Variants in TNFRSF8 observed in about 807,000 individuals in gnomAD.
TNFRSF8 encodes TNF receptor superfamily member 8, also known as tumor necrosis factor receptor superfamily member 8.
Under a neutral mutation model 70.8 loss-of-function variants are expected in TNFRSF8, and 26 were observed. That is an observed-to-expected ratio of 0.37 (90% CI 0.27 to 0.51). TNFRSF8 has a LOEUF of 0.51. TNFRSF8 is among the 20% of genes least tolerant of loss of function. TNFRSF8 has a pLI of 0.94. For missense variants in TNFRSF8, 720 were observed against 807.9 expected (o/e 0.89, Z 1.32); for synonymous variants, 356 against 339.2 (o/e 1.05, Z -0.54).
Position 12,112,088 on chromosome 1 carries a change from T to G in TNFRSF8, c.793+74T>G. The G allele has an allele frequency of 9.1e-7, 1 of 1,101,984 alleles. No homozygotes were observed. Among genetic ancestry groups the G allele is most frequent in the Non-Finnish European group, 1.4e-6 (1 of 734,256 alleles). 68.3% of individuals were successfully genotyped at this position (1,101,984 alleles called of 1,614,324 possible). ...TGAACCGTGAACTTCCAGTAACTAC[T>G]CCCCCTTATGTTTGTGGGTTTTTGA... On this transcript the variant is annotated intron_variant, in intron 7 of 14. Transcript: ENST00000263932. This position sits in a 1 kb window ranked among gnomAD's most constrained non-coding sequence, Gnocchi z 5.3.
At chr1:12,127,364 C>T (rs1016673315) in intron 12 of TNFRSF8, among the ~76,000 whole-genome samples, 1 of 152,252 alleles carries the variant, frequency 6.6e-6, no homozygotes, top group African/African-American at 2.4e-5. Flanking sequence ...GGACGGCTGG[C>T]CCAGGGCCAC....
At chr1:12,100,401 C>T (rs1026170495) in intron 3 of TNFRSF8, among the ~76,000 whole-genome samples, 27 of 151,954 alleles carry the variant, frequency 1.8e-4, no homozygotes, top group African/African-American at 6.3e-4. Context: ...ATAAATTAAA[C>T]AACTTTTTCA....
intron 1 of TNFRSF8, among the ~76,000 whole-genome samples, chr1:12,082,506 C>T (rs1034734863): frequency 2.0e-5 from 3 of 147,938 alleles, no homozygotes; most frequent in African/African-American, 7.5e-5. Context: ...GCCATGATTG[C>T]ACCATTGCAC....
intron 13 of TNFRSF8, among the ~76,000 whole-genome samples, chr1:12,137,548 GT>G (rs553381567): frequency 2.6e-4 from 34 of 131,498 alleles, no homozygotes; most frequent in Middle Eastern, 4.2e-3. Flanking sequence ...CTGTTTTTTT[GT>G]TTTTTTTTGT....
intron 2 of TNFRSF8, among the ~76,000 whole-genome samples, chr1:12,089,882 A>G (rs1641216793): frequency 6.6e-6 from 1 of 150,564 alleles, no homozygotes; most frequent in South Asian, 2.1e-4. Context: ...TCCCTAACCC[A>G]TCCATCTATC....
intron 1 of TNFRSF8, among the ~76,000 whole-genome samples, chr1:12,065,626 T>C (rs778641481): frequency 6.6e-6 from 1 of 152,214 alleles, no homozygotes; most frequent in African/African-American, 2.4e-5. Flanking sequence ...TTCCATATAC[T>C]ATACCCTACA....
rs1475721786 is a variant in TNFRSF8 at position 12,119,920 on chromosome 1, G to A, written c.947-3364G>A. Among the ~76,000 whole-genome samples, 9 of 152,232 alleles carry A rather than the reference G, an allele frequency of 5.9e-5. No individual in the cohort carries two copies. Among genetic ancestry groups the A allele is most frequent in the African/African-American group, 1.7e-4 (7 of 41,528 alleles). On this transcript the variant is annotated intron_variant, in intron 8 of 14. Coordinates refer to ENST00000263932, the MANE Select transcript of TNFRSF8 (RefSeq NM_001243.5). The surrounding 1 kb of genome is among the most constrained non-coding windows in gnomAD (Gnocchi z 4.4). ...ACCTCTGGTCTGATACAACCCCTTC[G>A]TTTTACACCCAGAGAGAAGCACAGG...
rs1271955480 is a variant in TNFRSF8 at position 12,142,683 on chromosome 1, C to G, written c.*152C>G. 1.9e-6 allele frequency: 2 copies of G among 1,047,776 alleles called. No individual in the cohort carries two copies. The highest frequency in any genetic ancestry group is 2.7e-6 in the Non-Finnish European group (2 of 745,456). The allele number at this position is 1,047,776 out of a possible 1,614,324, so 64.9% of individuals were successfully genotyped here. A position where few individuals can be genotyped will look rare whatever the true frequency, so the allele number is the denominator to read the frequency against. On this transcript the variant is annotated 3_prime_UTR_variant, in exon 15 of 15. Transcript: ENST00000263932. This position sits in a 1 kb window ranked among gnomAD's most constrained non-coding sequence, Gnocchi z 5.0. ...TGGACCGGCCGGTCACTGCAGGGGT[C>G]TGGTGGTCTCTGCTTGCATCCCCAA...
chr1:12,114,134 G>A (rs1285358284), intron 7 of TNFRSF8, among the ~76,000 whole-genome samples: 1 of 152,086 alleles, frequency 6.6e-6, no homozygotes, highest in Non-Finnish European at 1.5e-5. Flanking sequence ...CCCGAGTGCC[G>A]GGTTCAGATC....
chr1:12,097,091 C>G lies in TNFRSF8; in HGVS notation c.152-10C>G. 6.2e-7 allele frequency: 1 copy of G among 1,612,034 alleles called. No homozygotes were observed. The highest frequency in any genetic ancestry group is 8.5e-7 in the Non-Finnish European group (1 of 1,178,532). ...AGCCTGGCTTGGAGCTTCTCTGTTTCTTTTCCCAGGGCTGTTCCCGACACA... is the reference window on the plus strand; with the variant it reads ...AGCCTGGCTTGGAGCTTCTCTGTTTGTTTTCCCAGGGCTGTTCCCGACACA... On this transcript the variant is annotated splice_polypyrimidine_tract_variant and intron_variant, in intron 2 of 14. Transcript: ENST00000263932.
chr1:12,084,390 TG>T, intron 1 of TNFRSF8, 73 bp from the exon 2 acceptor site: 1 of 1,379,020 alleles, frequency 7.3e-7, no homozygotes, highest in African/African-American at 1.4e-5. Flanking sequence ...TCAGGCCTCC[TG>T]GGACTGGTGG....
At chr1:12,129,023 C>T (rs949187582) in intron 12 of TNFRSF8, among the ~76,000 whole-genome samples, 27 of 151,340 alleles carry the variant, frequency 1.8e-4, no homozygotes, top group Non-Finnish European at 1.2e-4. Flanking sequence ...TTAGTAGAGA[C>T]GGGGTTTCAC....
rs1283228918 is a variant in TNFRSF8 at position 12,110,998 on chromosome 1, TA to T, written c.676+795del. Among the ~76,000 whole-genome samples the T allele has an allele frequency of 6.6e-6, 1 of 152,220 alleles. No homozygotes were observed. Among genetic ancestry groups the T allele is most frequent in the Non-Finnish European group, 1.5e-5 (1 of 68,048 alleles). On this transcript the variant is annotated intron_variant, in intron 6 of 14. Coordinates refer to ENST00000263932, the MANE Select transcript of TNFRSF8 (RefSeq NM_001243.5). The surrounding 1 kb of genome is among the most constrained non-coding windows in gnomAD (Gnocchi z 4.0). ...ATTTGGGTTGTTTCTGCCTTTTGAC[TA>T]TAATGAAGAAAGAAAAATACATCTT...
intron 2 of TNFRSF8, among the ~76,000 whole-genome samples, chr1:12,087,002 C>T (rs1231559767): frequency 6.6e-6 from 1 of 151,802 alleles, no homozygotes; most frequent in Non-Finnish European, 1.5e-5. Flanking sequence ...CATATCCCTC[C>T]AATTATCCTC....
intron 1 of TNFRSF8, among the ~76,000 whole-genome samples, chr1:12,064,074 G>T (rs1321154222): frequency 6.6e-6 from 1 of 152,192 alleles, no homozygotes; most frequent in African/African-American, 2.4e-5. Context: ...GCTCTACCCT[G>T]TTGTGTGCGC....
intron 13 of TNFRSF8, among the ~76,000 whole-genome samples, chr1:12,137,726 C>T (rs985253010): frequency 1.3e-5 from 2 of 151,954 alleles, no homozygotes; most frequent in African/African-American, 4.8e-5. Flanking sequence ...GATGTCGGGG[C>T]TGGGGAGCTG....
At chr1:12,132,877 C>T (rs576388349) in intron 12 of TNFRSF8, among the ~76,000 whole-genome samples, 1 of 150,608 alleles carries the variant, frequency 6.6e-6, no homozygotes, top group African/African-American at 2.4e-5. Flanking sequence ...CCTGATTTAC[C>T]ACTGGGCACC....
chr1:12,094,270 A>C (rs1319310910), intron 2 of TNFRSF8, among the ~76,000 whole-genome samples: 1 of 152,114 alleles, frequency 6.6e-6, no homozygotes, highest in African/African-American at 2.4e-5. Flanking sequence ...ATCACGACCA[A>C]GGCTCTGAGA....
chr1:12,103,826 A>G (rs957771376), intron 3 of TNFRSF8, among the ~76,000 whole-genome samples: 2 of 152,194 alleles, frequency 1.3e-5, no homozygotes, highest in Non-Finnish European at 2.9e-5. Flanking sequence ...TTAGTGTGGC[A>G]CAATTGTTAG....
Sources: allele counts gnomAD v4.1 joint callset (sites outside exome capture counted in the v4.1 genomes callset), GRCh38; gene constraint gnomAD v4.1.1; non-coding constraint Gnocchi (gnomAD v3.1); transcripts MANE v1.5; gene names NCBI Gene and HGNC (gene_info 2026-07-23, HGNC 2026-07-21).